MCF2L2: variants seen among roughly 807,000 people sequenced by gnomAD.
The protein encoded by MCF2L2 is probable guanine nucleotide exchange factor MCF2L2.
MCF2L2 carries 102 observed loss-of-function variants against 150.2 expected under a neutral mutation model. The observed-to-expected ratio is 0.68, with a 90% CI of 0.58 to 0.80. The LOEUF (loss-of-function observed/expected upper bound fraction) is 0.80, where lower values mean the gene tolerates loss of function less well. Ranked by LOEUF, MCF2L2 falls within the 30% of genes least tolerant of loss-of-function variation. The probability of loss-of-function intolerance (pLI) is 0.00; values close to 1 mark genes in which losing one functional copy is unlikely to be tolerated. For missense variants in MCF2L2, 1,256 were observed against 1,372.8 expected (o/e 0.91, Z 1.34); for synonymous variants, 465 against 491.3 (o/e 0.95, Z 0.71).
At position 183,270,252 on chromosome 3, in the gene MCF2L2, A is replaced by C. The variant is rs1284536894; in HGVS notation, c.1862+6620T>G. 6 of 1,614,166 alleles carry C rather than the reference A, an allele frequency of 3.7e-6. No individual in the cohort carries two copies. Among genetic ancestry groups the C allele is most frequent in the African/African-American group, 1.3e-5 (1 of 75,062 alleles). On this transcript the variant is annotated intron_variant, in intron 15 of 29. Coordinates refer to ENST00000328913, the MANE Select transcript of MCF2L2 (RefSeq NM_015078.4). The surrounding 1 kb of genome is among the most constrained non-coding windows in gnomAD (Gnocchi z 4.5). ...AAGAAAACTGGCTTGGGAAGATCAA[A>C]GGTACAATGATATAATTCAGCAAGA...
At chr3:183,282,860 G>A (rs945415894) in intron 14 of MCF2L2, among the ~76,000 whole-genome samples, 2 of 152,196 alleles carry the variant, frequency 1.3e-5, no homozygotes, top group African/African-American at 2.4e-5. Context: ...GTTGACTATC[G>A]TAGCATCAAT....
intron 11 of MCF2L2, 56 bp from the exon 12 acceptor site, chr3:183,297,223 C>T (rs1365733733): frequency 5.3e-5 from 77 of 1,464,280 alleles, no homozygotes; most frequent in South Asian, 9.6e-5. Flanking sequence ...TCAGAGCCAC[C>T]GTAATCCTCA....
At chr3:183,242,038 A>T (rs1187615081) in intron 15 of MCF2L2, among the ~76,000 whole-genome samples, 1 of 152,160 alleles carries the variant, frequency 6.6e-6, no homozygotes, top group Non-Finnish European at 1.5e-5. Context: ...AACTTGAGAG[A>T]GATGATTCAG....
At chr3:183,335,159 G>A (rs1730425097) in intron 5 of MCF2L2, among the ~76,000 whole-genome samples, 1 of 151,570 alleles carries the variant, frequency 6.6e-6, no homozygotes. Flanking sequence ...GAAAGGCTAT[G>A]AAAATGTTTT....
intron 3 of MCF2L2, among the ~76,000 whole-genome samples, chr3:183,353,539 C>T (rs925113321): frequency 6.6e-6 from 1 of 152,280 alleles, no homozygotes. Flanking sequence ...AGGAAACTTA[C>T]AATCACAGTG....
chr3:183,298,579 T>A (rs1248643258), intron 11 of MCF2L2: 1 of 152,192 alleles, frequency 6.6e-6, no homozygotes, highest in Non-Finnish European at 1.5e-5. Context: ...GTAACCTTTT[T>A]CTTCCTACAT....
At chr3:183,195,111 G>A (rs1017264623) in intron 26 of MCF2L2, 111 bp downstream of exon 26, 18 of 937,478 alleles carry the variant, frequency 1.9e-5, no homozygotes, top group Middle Eastern at 2.2e-4. Flanking sequence ...GAAATCCCTT[G>A]TAATAAGCCA....
rs530338336 is a variant in MCF2L2 at position 183,376,389 on chromosome 3, G to A, written c.275+2908C>T. ...TTAAAACAAATATAAGGAGAATGGG[G>A]ACAGGGGACACTCCTCCTATTGTCT... On this transcript the variant is annotated intron_variant, in intron 3 of 29. Transcript: ENST00000328913. The A allele has an allele frequency of 1.2e-4, 19 of 152,266 alleles. No homozygotes were observed. The East Asian group carries it at 3.7e-3, about 29-fold the overall frequency. The allele number at this position is 152,266 out of a possible 1,614,324, so 9.4% of individuals were successfully genotyped here.
chr3:183,341,572 T>A lies in MCF2L2; in HGVS notation c.334A>T (p.Ser112Cys). 6.2e-7 allele frequency: 1 copy of A among 1,614,026 alleles called. No homozygotes were observed. Among genetic ancestry groups the A allele is most frequent in the Non-Finnish European group, 8.5e-7 (1 of 1,179,862 alleles). ...VVIDRRRDKWSSVKASLTRIA... is the reference protein window; with the variant it reads ...VVIDRRRDKWCSVKASLTRIA... ...CGTGTCAAGGATGCCTTTACGGAGC[T>A]CCACTTGTCTCTTCGTCTGTCGATA... The change falls in exon 4 of 30, where the codon AGC (serine) becomes TGC (cysteine). Residue 112 changes from serine (S) to cysteine (C), a missense_variant. Coordinates refer to ENST00000328913, the MANE Select transcript of MCF2L2 (RefSeq NM_015078.4).
chr3:183,330,245 G>GAAAAAAAAAAAAAAAA (rs200391954), intron 5 of MCF2L2, among the ~76,000 whole-genome samples: 1 of 57,338 alleles, frequency 1.7e-5, no homozygotes, highest in African/African-American at 7.2e-5. Context: ...ACCCTGTCTT[G>GAAAAAAAAAAAAAAAA]AAAAAAAAAA....
Position 183,219,881 on chromosome 3 carries a change from G to T in MCF2L2, c.2345C>A (p.Pro782Gln). 2 of 1,613,162 alleles carry T rather than the reference G, an allele frequency of 1.2e-6. No individual in the cohort carries two copies. The highest frequency in any genetic ancestry group is 1.7e-6 in the Non-Finnish European group (2 of 1,179,222). Residue 782 changes from proline to glutamine, a missense_variant, in exon 21 of 30, where the codon CCA becomes CAA. By Grantham distance (76) the Pro-to-Gln change is moderately conservative (BLOSUM62 -1). Transcript: ENST00000328913. ...FESPEDMEID[P>Q]GELGGSAKDG... The stretch of plus-strand genomic sequence containing the variant: ...CTTAGCCGAGCCTCCTAGTTCACCT[G>T]GGTCTATCTCCATATCTTCAGGAGA...
At chr3:183,269,920 G>A in intron 15 of MCF2L2, 1 of 1,614,082 alleles carries the variant, frequency 6.2e-7, no homozygotes, top group Non-Finnish European at 8.5e-7. Flanking sequence ...CACATTGTGA[G>A]CCATATGAAG....
intron 27 of MCF2L2, among the ~76,000 whole-genome samples, chr3:183,189,532 C>G (rs975146760): frequency 6.6e-6 from 1 of 152,214 alleles, no homozygotes; most frequent in Admixed American, 6.5e-5. Context: ...TCCCTTCCCC[C>G]AGCCAGGCCC....
chr3:183,355,029 C>T (rs745372707), intron 3 of MCF2L2, among the ~76,000 whole-genome samples: 23 of 151,284 alleles, frequency 1.5e-4, no homozygotes, highest in Non-Finnish European at 3.1e-4. Context: ...AAAGCACTGG[C>T]ATAAAATGCT....
intron 10 of MCF2L2, 89 bp from the exon 11 acceptor site, chr3:183,300,285 G>T: frequency 8.5e-7 from 1 of 1,182,506 alleles, no homozygotes; most frequent in Non-Finnish European, 1.2e-6. Context: ...CAAGCCTGGA[G>T]GGAGGCTGTG....
intron 15 of MCF2L2, among the ~76,000 whole-genome samples, chr3:183,235,258 C>T (rs1723772138): frequency 2.3e-5 from 1 of 43,342 alleles, no homozygotes; most frequent in Non-Finnish European, 3.8e-5. Flanking sequence ...TTCTAGATCC[C>T]TGAGGAATCG....
intron 1 of MCF2L2, among the ~76,000 whole-genome samples, chr3:183,422,054 T>C (rs960632299): frequency 1.2e-4 from 19 of 152,234 alleles, no homozygotes; most frequent in African/African-American, 4.1e-4. Context: ...TTTTCAACAA[T>C]GCCCTGGGGC....
At chr3:183,399,515 C>G (rs1714629860) in intron 1 of MCF2L2, among the ~76,000 whole-genome samples, 1 of 152,202 alleles carries the variant, frequency 6.6e-6, no homozygotes. Flanking sequence ...GCTGCTTCAG[C>G]TTTGAGAACA....
chr3:183,343,261 T>C (rs767416632), intron 3 of MCF2L2, among the ~76,000 whole-genome samples: 4 of 152,000 alleles, frequency 2.6e-5, no homozygotes, highest in Non-Finnish European at 5.9e-5. Flanking sequence ...AGACCTTCCA[T>C]AGAGAGCAAA....
Sources: allele counts gnomAD v4.1 joint callset (sites outside exome capture counted in the v4.1 genomes callset), GRCh38; gene constraint gnomAD v4.1.1; non-coding constraint Gnocchi (gnomAD v3.1); transcripts MANE v1.5; gene names NCBI Gene and HGNC (gene_info 2026-07-23, HGNC 2026-07-21).